The following ADAMTSL1 variants were observed in gnomAD, a reference collection of about 807,000 sequenced individuals.
The protein encoded by ADAMTSL1 is ADAMTS like 1.
Under a neutral mutation model 201.8 loss-of-function variants are expected in ADAMTSL1, and 126 were observed. That is an observed-to-expected ratio of 0.62 (90% CI 0.54 to 0.72). The LOEUF (loss-of-function observed/expected upper bound fraction) is 0.72, where lower values mean the gene tolerates loss of function less well. Among genes scored for constraint, ADAMTSL1 ranks in the 30% least tolerant of loss-of-function variants. The probability of loss-of-function intolerance (pLI) is 0.00; values close to 1 mark genes in which losing one functional copy is unlikely to be tolerated. For synonymous variants in ADAMTSL1, 1,121 were observed against 903.4 expected, an observed-to-expected ratio of 1.24 and a Z score of -4.32; for missense variants, 2,679 against 2,277.8, an observed-to-expected ratio of 1.18 and a Z score of -3.59.
At chr9:18,571,066 C>G (rs1426843171) in intron 3 of ADAMTSL1, among the ~76,000 whole-genome samples, 3 of 152,164 alleles carry the variant, frequency 2.0e-5, no homozygotes, top group Non-Finnish European at 4.4e-5. Context: ...CTTTGACTGC[C>G]TTTAGGTCCT....
intron 13 of ADAMTSL1, among the ~76,000 whole-genome samples, chr9:18,694,346 A>C (rs1564157036): frequency 6.6e-6 from 1 of 152,062 alleles, no homozygotes; most frequent in Non-Finnish European, 1.5e-5. Flanking sequence ...TTCTTAACTC[A>C]CTTCGGCATT....
chr9:18,159,133 G>T (rs1001957432), intron 1 of ADAMTSL1, among the ~76,000 whole-genome samples: 4 of 151,868 alleles, frequency 2.6e-5, no homozygotes, highest in Non-Finnish European at 4.4e-5. Context: ...TACTTATATT[G>T]TTTGCATTAT....
chr9:18,162,497 T>C (rs1425594524), intron 1 of ADAMTSL1, among the ~76,000 whole-genome samples: 2 of 151,998 alleles, frequency 1.3e-5, no homozygotes, highest in African/African-American at 4.8e-5. Flanking sequence ...CCATCAGTCA[T>C]ATTGACTATT....
intron 1 of ADAMTSL1, among the ~76,000 whole-genome samples, chr9:17,940,139 A>C (rs957904566): frequency 1.3e-5 from 2 of 152,154 alleles, no homozygotes; most frequent in African/African-American, 2.4e-5. Flanking sequence ...GACCACTCTG[A>C]ATCATATCTT....
At chr9:18,075,290 T>G (rs1823166631) in intron 1 of ADAMTSL1, among the ~76,000 whole-genome samples, 1 of 152,350 alleles carries the variant, frequency 6.6e-6, no homozygotes, top group South Asian at 2.1e-4. Context: ...CATAAAGAAG[T>G]GTGTATGGTA....
chr9:18,843,175 G>A (rs1298443870), intron 23 of ADAMTSL1, among the ~76,000 whole-genome samples: 3 of 150,822 alleles, frequency 2.0e-5, no homozygotes, highest in South Asian at 2.1e-4. Flanking sequence ...GCTGGTACCG[G>A]TTGTTCCTTT....
chr9:18,824,236 A>T (rs766928624), intron 21 of ADAMTSL1, among the ~76,000 whole-genome samples: 6 of 151,906 alleles, frequency 3.9e-5, no homozygotes, highest in Middle Eastern at 3.2e-3. Flanking sequence ...CCAAGCTGGC[A>T]TGGACAGGCA....
chr9:18,776,086 T>A (rs921511427), intron 18 of ADAMTSL1, among the ~76,000 whole-genome samples, 190 bp downstream of exon 18: 5 of 152,268 alleles, frequency 3.3e-5, no homozygotes, highest in African/African-American at 1.2e-4. Flanking sequence ...GTGGCCAGGC[T>A]AAATTCTCCT....
chr9:18,737,528 A>G (rs1199434699), intron 15 of ADAMTSL1, among the ~76,000 whole-genome samples: 1 of 152,112 alleles, frequency 6.6e-6, no homozygotes, highest in Non-Finnish European at 1.5e-5. Context: ...ATCACTTCCC[A>G]ATAGGCTTTA....
intron 3 of ADAMTSL1, among the ~76,000 whole-genome samples, chr9:18,537,878 T>TA (rs753363020): frequency 0.058 from 5,634 of 97,816 alleles, 462 homozygotes; most frequent in African/African-American, 0.18. Flanking sequence ...TGTCTCTATT[T>TA]AAAAAAAAAA....
chr9:18,534,748 G>T (rs902645267), intron 3 of ADAMTSL1, among the ~76,000 whole-genome samples: 4 of 152,206 alleles, frequency 2.6e-5, no homozygotes, highest in Non-Finnish European at 5.9e-5. Context: ...CTGCACACCT[G>T]CAGGACCACC....
chr9:18,864,565 C>A (rs191696790), intron 23 of ADAMTSL1, among the ~76,000 whole-genome samples: 4 of 152,164 alleles, frequency 2.6e-5, no homozygotes, highest in Non-Finnish European at 5.9e-5. Context: ...ACAAAGGCAA[C>A]CTTATGCTAC....
At chr9:18,327,012 T>G (rs1178134080) in intron 2 of ADAMTSL1, among the ~76,000 whole-genome samples, 1 of 152,236 alleles carries the variant, frequency 6.6e-6, no homozygotes, top group Non-Finnish European at 1.5e-5. Flanking sequence ...ATTTTATATT[T>G]AAGATCTGTT....
chr9:17,985,026 C>T (rs1227740999), intron 1 of ADAMTSL1, among the ~76,000 whole-genome samples: 1 of 152,014 alleles, frequency 6.6e-6, no homozygotes, highest in Admixed American at 6.6e-5. Flanking sequence ...GTAGGAAGAC[C>T]TCTGTAGGTA....
chr9:18,850,585 G>T (rs1422294194), intron 23 of ADAMTSL1, among the ~76,000 whole-genome samples: 1 of 152,218 alleles, frequency 6.6e-6, no homozygotes, highest in African/African-American at 2.4e-5. Context: ...ACCTCAGTCA[G>T]AAAAGCTGTT....
At chr9:18,741,892 T>C (rs983979250) in intron 15 of ADAMTSL1, among the ~76,000 whole-genome samples, 35 of 152,162 alleles carry the variant, frequency 2.3e-4, no homozygotes, top group African/African-American at 8.0e-4. Context: ...TTCAAGCCCT[T>C]CCTCTTCCAG....
intron 1 of ADAMTSL1, among the ~76,000 whole-genome samples, chr9:18,036,247 C>T (rs1427539389): frequency 6.6e-6 from 1 of 152,106 alleles, no homozygotes; most frequent in Non-Finnish European, 1.5e-5. Flanking sequence ...GGCAGGCTGG[C>T]CCTGCAAAAA....
intron 2 of ADAMTSL1, among the ~76,000 whole-genome samples, chr9:18,437,052 T>C (rs1175436979): frequency 6.6e-6 from 1 of 151,480 alleles, no homozygotes; most frequent in Non-Finnish European, 1.5e-5. Context: ...AGTCATTGGC[T>C]GTGGGTCACC....
At chr9:18,441,963 A>C (rs1214061614) in intron 2 of ADAMTSL1, among the ~76,000 whole-genome samples, 1 of 152,216 alleles carries the variant, frequency 6.6e-6, no homozygotes, top group Non-Finnish European at 1.5e-5. Context: ...TGAAAACCCA[A>C]ATCCACTAAA....
Sources: allele counts gnomAD v4.1 joint callset (sites outside exome capture counted in the v4.1 genomes callset), GRCh38; gene constraint gnomAD v4.1.1; transcripts MANE v1.5; gene names NCBI Gene and HGNC (gene_info 2026-07-23, HGNC 2026-07-21).